HSPA12A: variants seen among roughly 807,000 people sequenced by gnomAD.
HSPA12A encodes the protein heat shock 70 kDa protein 12A.
In HSPA12A, 28 loss-of-function variants were observed where a neutral mutation model predicts 69.2. The observed-to-expected ratio is 0.40, with a 90% CI of 0.30 to 0.55. HSPA12A has a LOEUF of 0.55. Among genes scored for constraint, HSPA12A ranks in the 20% least tolerant of loss-of-function variants. HSPA12A has a pLI of 0.38. For missense variants in HSPA12A, 686 were observed against 900.7 expected (o/e 0.76, Z 3.05); for synonymous variants, 345 against 370.5 (o/e 0.93, Z 0.79).
chr10:116,845,297 G>A (rs1845862222), intron 1 of HSPA12A, among the ~76,000 whole-genome samples: 1 of 152,154 alleles, frequency 6.6e-6, no homozygotes, highest in African/African-American at 2.4e-5. Context: ...TTTTGTTATT[G>A]TTGTTAAAAG....
At chr10:116,836,424 A>T (rs1845711600) in intron 1 of HSPA12A, among the ~76,000 whole-genome samples, 1 of 152,136 alleles carries the variant, frequency 6.6e-6, no homozygotes, top group South Asian at 2.1e-4. Context: ...TAATGAGATG[A>T]ACCCTTTCTC....
At chr10:116,731,146 C>T (rs575109664) in intron 1 of HSPA12A, among the ~76,000 whole-genome samples, 1 of 152,368 alleles carries the variant, frequency 6.6e-6, no homozygotes, top group African/African-American at 2.4e-5. Flanking sequence ...TGTGCTTAGG[C>T]AGAACGGGCC....
chr10:116,740,414 G>A (rs1851450838), intron 1 of HSPA12A, among the ~76,000 whole-genome samples: 1 of 152,202 alleles, frequency 6.6e-6, no homozygotes, highest in Admixed American at 6.5e-5. Context: ...ACAGATAAAG[G>A]GAGAGGTGCC....
In HSPA12A at chr10:116,674,017, T is replaced by C. The variant is rs1445666183; in HGVS notation, c.*764A>G. The C allele has an allele frequency of 2.0e-5, 3 of 152,206 alleles. No individual in the cohort carries two copies. Among genetic ancestry groups the C allele is most frequent in the Non-Finnish European group, 4.4e-5 (3 of 68,040 alleles). The allele number at this position is 152,206 out of a possible 1,614,324, so 9.4% of individuals were successfully genotyped here. A position where few individuals can be genotyped will look rare whatever the true frequency, so the allele number is the denominator to read the frequency against. On this transcript the variant is annotated 3_prime_UTR_variant, in exon 12 of 12. Transcript: ENST00000369209. ...AAATCAGGGCTGGGCATGCTGGGAA[T>C]TTATGTCACAGCATATAATTTGGGA...
At chr10:116,828,030 CT>C (rs1845543634) in intron 2 of HSPA12A, among the ~76,000 whole-genome samples, 1 of 152,188 alleles carries the variant, frequency 6.6e-6, no homozygotes. Flanking sequence ...AATTTTACCC[CT>C]GACTTTGCCT....
chr10:116,810,293 T>C (rs527545148), intron 2 of HSPA12A, among the ~76,000 whole-genome samples: 2 of 152,202 alleles, frequency 1.3e-5, no homozygotes, highest in African/African-American at 4.8e-5. Flanking sequence ...TTTTCAAGCA[T>C]TGTTCCCAGA....
chr10:116,803,330 G>A (rs969373515), intron 2 of HSPA12A, among the ~76,000 whole-genome samples: 1 of 152,236 alleles, frequency 6.6e-6, no homozygotes, highest in Admixed American at 6.5e-5. Context: ...GAGCTCACAG[G>A]GGCCACGCAG....
chr10:116,746,402 T>G (rs1554887817), upstream of HSPA12A, among the ~76,000 whole-genome samples: 1 of 152,170 alleles, frequency 6.6e-6, no homozygotes, highest in South Asian at 2.1e-4. Context: ...AGGATAATTG[T>G]TGATGGACCA....
chr10:116,742,695 G>A (rs1851556072), upstream of HSPA12A: 1 of 754,176 alleles, frequency 1.3e-6, no homozygotes, highest in African/African-American at 1.9e-5. Context: ...AAAGGTCGGG[G>A]AAGGCGGGCG....
intron 2 of HSPA12A, among the ~76,000 whole-genome samples, chr10:116,783,440 T>C (rs1844507545): frequency 6.6e-6 from 1 of 152,122 alleles, no homozygotes; most frequent in Non-Finnish European, 1.5e-5. Flanking sequence ...TTATTGACTG[T>C]CAAGCACTGA....
rs1157722408 is a variant in HSPA12A, at chr10:116,686,864, A to G, written c.664-2902T>C. ...AGCTCCACCCCTCATCCCTCTTCCC[A>G]CACCATAAGCTCCGCCCCTCATCCC... is the stretch of plus-strand genomic sequence containing the variant. On this transcript the variant is annotated intron_variant, in intron 6 of 11. Transcript: ENST00000369209. This position sits in a 1 kb window ranked among gnomAD's most constrained non-coding sequence, Gnocchi z 4.1. Among the ~76,000 whole-genome samples, 2 of 96,900 alleles carry G rather than the reference A, an allele frequency of 2.1e-5. No individual in the cohort carries two copies. Among genetic ancestry groups the G allele is most frequent in the Non-Finnish European group, 4.2e-5 (2 of 48,186 alleles). The allele number at this position is 96,900 out of a possible 152,430, so 63.6% of individuals were successfully genotyped here.
intron 2 of HSPA12A, among the ~76,000 whole-genome samples, chr10:116,796,145 C>CAAAAAAAA (rs10522145): frequency 1.8e-5 from 2 of 110,690 alleles, no homozygotes; most frequent in Non-Finnish European, 3.4e-5. Flanking sequence ...AAGACTCCAT[C>CAAAAAAAA]AAAAAAAAAA....
intron 1 of HSPA12A, among the ~76,000 whole-genome samples, chr10:116,839,604 TAAAAA>T (rs59427633): frequency 3.4e-5 from 2 of 59,130 alleles, no homozygotes; most frequent in East Asian, 5.8e-4. Flanking sequence ...ATGCCTACCG[TAAAAA>T]AAAAAAAAAA....
At chr10:116,707,375 G>T in intron 1 of HSPA12A, 90 bp from the exon 2 acceptor site, 1 of 1,006,486 alleles carries the variant, frequency 9.9e-7, no homozygotes. Flanking sequence ...AACTCCTCCA[G>T]GAACTGCGGC....
intron 1 of HSPA12A, among the ~76,000 whole-genome samples, chr10:116,711,729 T>A (rs1483536228): frequency 2.7e-5 from 4 of 149,108 alleles, no homozygotes; most frequent in African/African-American, 9.9e-5. Context: ...AGTGGTGCGA[T>A]CTCGGCTCAC....
At chr10:116,784,197 T>C (rs1424849565) in intron 2 of HSPA12A, among the ~76,000 whole-genome samples, 1 of 152,240 alleles carries the variant, frequency 6.6e-6, no homozygotes, top group Non-Finnish European at 1.5e-5. Context: ...AAAAGTCACA[T>C]TTCCCAGCTT....
chr10:116,697,766 C>T (rs11197798), intron 5 of HSPA12A, among the ~76,000 whole-genome samples: 43,715 of 151,846 alleles, frequency 0.29, 6,609 homozygotes, highest in Middle Eastern at 0.41. Flanking sequence ...CAAGGTTGTG[C>T]GCCCAACCCC....
intron 2 of HSPA12A, among the ~76,000 whole-genome samples, chr10:116,806,279 C>T (rs1280414795): frequency 6.6e-6 from 1 of 152,218 alleles, no homozygotes; most frequent in East Asian, 1.9e-4. Context: ...CAGCTCACTG[C>T]AACCTCCACC....
intron 1 of HSPA12A, among the ~76,000 whole-genome samples, chr10:116,724,439 G>A (rs986295698): frequency 1.3e-5 from 2 of 152,072 alleles, no homozygotes; most frequent in Non-Finnish European, 2.9e-5. Context: ...CAAGATTCAC[G>A]ACCTTTTGAG....
Sources: gnomAD v4.1 joint callset for allele counts (sites outside exome capture counted in the v4.1 genomes callset) on GRCh38, gnomAD v4.1.1 for gene constraint, Gnocchi (gnomAD v3.1) non-coding constraint, MANE v1.5 for transcripts, NCBI Gene and HGNC (gene_info 2026-07-23, HGNC 2026-07-21) for gene names.